RALGPS1: variants seen among roughly 807,000 people sequenced by gnomAD.
RALGPS1 encodes Ral GEF with PH domain and SH3 binding motif 1.
A neutral mutation model predicts 78.8 loss-of-function variants in RALGPS1; 19 were observed. The ratio of observed to expected loss-of-function variants is 0.24; its 90% confidence interval spans 0.17 to 0.35. RALGPS1 has a LOEUF of 0.35. Ranked by LOEUF, RALGPS1 falls within the 10% of genes least tolerant of loss-of-function variation. The pLI, the probability that RALGPS1 is intolerant of heterozygous loss-of-function variation, is 1.00. For missense variants in RALGPS1, 454 were observed against 688.3 expected (o/e 0.66, Z 3.81); for synonymous variants, 228 against 256.3 (o/e 0.89, Z 1.06).
intron 7 of RALGPS1, among the ~76,000 whole-genome samples, chr9:127,065,130 T>C (rs1564513965): frequency 6.6e-6 from 1 of 152,078 alleles, no homozygotes; most frequent in Non-Finnish European, 1.5e-5. Flanking sequence ...TATTATTTTT[T>C]TGAGACAGAG....
chr9:127,117,779 A>G (rs1368697153), intron 8 of RALGPS1, among the ~76,000 whole-genome samples: 1 of 152,262 alleles, frequency 6.6e-6, no homozygotes, highest in African/African-American at 2.4e-5. Context: ...TAACTGAGAC[A>G]GACACAGCCT....
intron 8 of RALGPS1, among the ~76,000 whole-genome samples, chr9:127,139,322 C>A (rs928521994): frequency 6.6e-6 from 1 of 152,212 alleles, no homozygotes; most frequent in African/African-American, 2.4e-5. Flanking sequence ...GTGCCAGGTC[C>A]GAGGCAGACT....
chr9:127,063,914 C>T (rs1564512121), intron 7 of RALGPS1, among the ~76,000 whole-genome samples: 1 of 152,086 alleles, frequency 6.6e-6, no homozygotes, highest in Non-Finnish European at 1.5e-5. Context: ...TTATTTTTCT[C>T]ATTATTCTTT....
intron 4 of RALGPS1, among the ~76,000 whole-genome samples, chr9:126,988,575 T>A (rs1309907536): frequency 6.6e-6 from 1 of 152,172 alleles, no homozygotes; most frequent in Non-Finnish European, 1.5e-5. Flanking sequence ...CCCAGCCCTC[T>A]GAAGGATTTT....
intron 8 of RALGPS1, among the ~76,000 whole-genome samples, chr9:127,116,464 G>T (rs574418917): frequency 6.6e-6 from 1 of 152,342 alleles, no homozygotes; most frequent in South Asian, 2.1e-4. Context: ...TGTGCCAGGA[G>T]CCTTGGCCAA....
intron 18 of RALGPS1, among the ~76,000 whole-genome samples, chr9:127,216,449 T>C (rs776122298): frequency 9.9e-5 from 15 of 152,242 alleles, no homozygotes; most frequent in Non-Finnish European, 1.2e-4. Flanking sequence ...ACTGCAGCAT[T>C]GTTCTTGATA....
chr9:127,065,296 T>C (rs966459833), intron 7 of RALGPS1, among the ~76,000 whole-genome samples: 2 of 152,080 alleles, frequency 1.3e-5, no homozygotes, highest in African/African-American at 4.8e-5. Context: ...GTATTTTTAG[T>C]AAAGATGGGG....
intron 5 of RALGPS1, among the ~76,000 whole-genome samples, chr9:127,047,286 A>T (rs1054904954): frequency 6.6e-6 from 1 of 152,236 alleles, no homozygotes; most frequent in Non-Finnish European, 1.5e-5. Flanking sequence ...ATACTTCTCT[A>T]TGATGAAATA....
chr9:126,941,299 A>G (rs906583060), intron 1 of RALGPS1, among the ~76,000 whole-genome samples: 1 of 150,626 alleles, frequency 6.6e-6, no homozygotes, highest in Non-Finnish European at 1.5e-5. Flanking sequence ...ATTTAAAAAT[A>G]ACAAAAGGAG....
chr9:127,117,588 G>A (rs2055570320), intron 8 of RALGPS1, among the ~76,000 whole-genome samples: 1 of 152,216 alleles, frequency 6.6e-6, no homozygotes, highest in Non-Finnish European at 1.5e-5. Context: ...GGGGCTGTGG[G>A]GCACCTGACC....
At chr9:126,967,663 A>G (rs1257798066) in intron 3 of RALGPS1, among the ~76,000 whole-genome samples, 2 of 151,966 alleles carry the variant, frequency 1.3e-5, no homozygotes, top group Non-Finnish European at 2.9e-5. Context: ...CAGCCTCCCA[A>G]AGTGCTGGTG....
At chr9:127,021,105 C>T (rs1288617304) in intron 4 of RALGPS1, among the ~76,000 whole-genome samples, 1 of 152,122 alleles carries the variant, frequency 6.6e-6, no homozygotes, top group Admixed American at 6.5e-5. Context: ...AAATTTTCTT[C>T]ATTGGAGGCC....
Position 127,183,783 on chromosome 9 carries a change from G to A in RALGPS1, c.910+9001G>A. 8.2e-7 allele frequency: 1 copy of A among 1,216,966 alleles called. No individual in the cohort carries two copies. The highest frequency in any genetic ancestry group is 1.5e-5 in the African/African-American group (1 of 66,040). 75.4% of individuals were successfully genotyped at this position (1,216,966 alleles called of 1,614,324 possible). A position where few individuals can be genotyped will look rare whatever the true frequency, so the allele number is the denominator to read the frequency against. On this transcript the variant is annotated intron_variant, in intron 11 of 18. Coordinates refer to ENST00000259351, the MANE Select transcript of RALGPS1 (RefSeq NM_014636.3). The surrounding 1 kb of genome is among the most constrained non-coding windows in gnomAD (Gnocchi z 4.0). ...TTATATTTTCGGAATGGATGGGTGG[G>A]AGGGGCCCTCCATGAGGACCTCAGG...
Position 127,174,702 on chromosome 9 carries a change from T to A in RALGPS1, c.843-13T>A. Reference sequence around the variant, plus strand: ...CAGAGCCCATCTGATCTTATGAAAATCTTTGTTTTCAGACTGTCGCTCAGA... The same window carrying A: ...CAGAGCCCATCTGATCTTATGAAAAACTTTGTTTTCAGACTGTCGCTCAGA... On this transcript the variant is annotated splice_polypyrimidine_tract_variant and intron_variant, in intron 10 of 18. Coordinates refer to ENST00000259351, the MANE Select transcript of RALGPS1 (RefSeq NM_014636.3). 1 of 1,613,384 alleles carries A rather than the reference T, an allele frequency of 6.2e-7. No homozygotes were observed. The highest frequency in any genetic ancestry group is 8.5e-7 in the Non-Finnish European group (1 of 1,179,428).
chr9:127,186,104 C>T (rs563565601), intron 11 of RALGPS1, among the ~76,000 whole-genome samples: 1 of 152,312 alleles, frequency 6.6e-6, no homozygotes, highest in East Asian at 1.9e-4. Context: ...GCTCATTTCT[C>T]TTCCAATCAA....
chr9:127,036,917 G>A (rs140539506), intron 5 of RALGPS1, among the ~76,000 whole-genome samples: 1 of 152,342 alleles, frequency 6.6e-6, no homozygotes, highest in Non-Finnish European at 1.5e-5. Flanking sequence ...GGAAGTTTAT[G>A]TGTGGACATT....
rs140627910 is a variant in RALGPS1 at position 127,197,047 on chromosome 9, C to T, written c.1195+416C>T. 8.4e-3 allele frequency among the ~76,000 whole-genome samples: 1,276 copies of T among 152,264 alleles called. 17 individuals carry two copies. The highest frequency in any genetic ancestry group is 0.024 in the African/African-American group (1,007 of 41,530). On this transcript the variant is annotated intron_variant, in intron 13 of 18. Coordinates refer to ENST00000259351, the MANE Select transcript of RALGPS1 (RefSeq NM_014636.3). The stretch of plus-strand genomic sequence containing the variant: ...GCAGCCAGGGAGGGTAGCTGGGTGG[C>T]CACTGGGTTCTCACTGCGTACTTGT...
chr9:127,124,311 A>G (rs559561315), intron 8 of RALGPS1, among the ~76,000 whole-genome samples: 49 of 152,316 alleles, frequency 3.2e-4, no homozygotes, highest in African/African-American at 1.1e-3. Flanking sequence ...GCTGGAGCCT[A>G]AGAAGTCCAG....
intron 18 of RALGPS1, chr9:127,216,319 T>A (rs1006490758): frequency 5.9e-5 from 9 of 152,222 alleles, no homozygotes; most frequent in African/African-American, 2.2e-4. Context: ...AAACATGAGG[T>A]GCCACAGGGA....
Sources: gnomAD v4.1 joint callset for allele counts (sites outside exome capture counted in the v4.1 genomes callset) on GRCh38, gnomAD v4.1.1 for gene constraint, Gnocchi (gnomAD v3.1) non-coding constraint, MANE v1.5 for transcripts, NCBI Gene and HGNC (gene_info 2026-07-23, HGNC 2026-07-21) for gene names.